EIF4G3: variants seen among roughly 807,000 people sequenced by gnomAD.
The protein encoded by EIF4G3 is eukaryotic translation initiation factor 4 gamma 3.
A neutral mutation model predicts 186.4 loss-of-function variants in EIF4G3; 34 were observed. That is an observed-to-expected ratio of 0.18 (90% CI 0.14 to 0.24). EIF4G3 has a LOEUF of 0.24. Ranked by LOEUF, EIF4G3 falls within the 10% of genes least tolerant of loss-of-function variation. EIF4G3 has a pLI of 1.00. For synonymous variants in EIF4G3, 673 were observed against 679.5 expected (o/e 0.99, Z 0.15); for missense variants, 1,536 against 1,948.5 (o/e 0.79, Z 3.99).
intron 25 of EIF4G3, among the ~76,000 whole-genome samples, chr1:20,857,174 A>AAAAAAAAAAAAG: frequency 6.6e-6 from 1 of 150,464 alleles, no homozygotes; most frequent in Non-Finnish European, 1.5e-5. Context: ...AAAAAAAAAA[A>AAAAAAAAAAAAG]AAAAAGAAAA....
intron 20 of EIF4G3, 21 bp from the exon 21 acceptor site, chr1:20,865,283 A>T (rs2077308998): frequency 2.5e-6 from 4 of 1,601,902 alleles, no homozygotes; most frequent in Non-Finnish European, 3.4e-6. Flanking sequence ...ACAGGAAAAT[A>T]AAAAAAATCA....
chr1:21,101,283 T>C (rs577423117), intron 2 of EIF4G3, among the ~76,000 whole-genome samples: 93 of 151,914 alleles, frequency 6.1e-4, no homozygotes, highest in Middle Eastern at 3.4e-3. Context: ...AAATATGCAA[T>C]AGGGCCGAGC....
chr1:20,943,092 G>GT (rs1236379641), intron 13 of EIF4G3, among the ~76,000 whole-genome samples: 1 of 152,150 alleles, frequency 6.6e-6, no homozygotes, highest in African/African-American at 2.4e-5. Flanking sequence ...GAGCCCAGGA[G>GT]TTTGAGGTTG....
At chr1:20,838,149 T>C (rs2067312182) in intron 30 of EIF4G3, among the ~76,000 whole-genome samples, 1 of 152,188 alleles carries the variant, frequency 6.6e-6, no homozygotes, top group Non-Finnish European at 1.5e-5. Context: ...GTTATGATAT[T>C]TTTTCTTCAG....
intron 2 of EIF4G3, among the ~76,000 whole-genome samples, chr1:21,146,026 T>TC (rs1391046349): frequency 6.6e-6 from 1 of 152,044 alleles, no homozygotes; most frequent in East Asian, 1.9e-4. Context: ...GCCCAGGAGT[T>TC]CGAGGCTGTA....
chr1:21,068,388 A>AAAAAAAAAAAAC (rs2095332448), intron 3 of EIF4G3, among the ~76,000 whole-genome samples: 2 of 141,208 alleles, frequency 1.4e-5, no homozygotes, highest in Non-Finnish European at 3.0e-5. Flanking sequence ...AAAAAAAAAA[A>AAAAAAAAAAAAC]AAAAAAAAAA....
intron 20 of EIF4G3, among the ~76,000 whole-genome samples, chr1:20,870,503 T>C (rs2078900620): frequency 6.6e-6 from 1 of 152,136 alleles, no homozygotes; most frequent in South Asian, 2.1e-4. Context: ...AACTATTACC[T>C]GCCAAGAATC....
intron 2 of EIF4G3, among the ~76,000 whole-genome samples, chr1:21,113,050 T>A (rs562085688): frequency 2.7e-5 from 4 of 150,100 alleles, no homozygotes; most frequent in East Asian, 2.0e-4. Flanking sequence ...TCCCAGCACT[T>A]TGGGAGGCTG....
chr1:21,085,518 G>C (rs147192907), intron 3 of EIF4G3, among the ~76,000 whole-genome samples: 1 of 151,510 alleles, frequency 6.6e-6, no homozygotes, highest in East Asian at 1.9e-4. Flanking sequence ...CTCCTGCCTC[G>C]GTCTCCCAAC....
At chr1:20,899,114 T>C (rs1197616897) in intron 16 of EIF4G3, among the ~76,000 whole-genome samples, 4 of 152,220 alleles carry the variant, frequency 2.6e-5, no homozygotes, top group Non-Finnish European at 5.9e-5. Flanking sequence ...ACAGTTTATA[T>C]AGCATTATGA....
intron 29 of EIF4G3, among the ~76,000 whole-genome samples, chr1:20,843,579 T>C (rs2069526347): frequency 6.6e-6 from 1 of 152,186 alleles, no homozygotes; most frequent in Non-Finnish European, 1.5e-5. Flanking sequence ...AGTGATTAAA[T>C]GTCTTCTAAT....
At chr1:20,926,500 G>A (rs1158636143) in intron 14 of EIF4G3, among the ~76,000 whole-genome samples, 3 of 152,126 alleles carry the variant, frequency 2.0e-5, no homozygotes, top group African/African-American at 4.8e-5. Context: ...GCAATATGGC[G>A]AGACTCTATC....
At chr1:20,901,513 T>C (rs1186661354) in intron 15 of EIF4G3, among the ~76,000 whole-genome samples, 1 of 152,182 alleles carries the variant, frequency 6.6e-6, no homozygotes, top group Non-Finnish European at 1.5e-5. Context: ...TTTTAGAGAA[T>C]ACAGTGCATC....
chr1:21,066,600 A>C (rs549573370), intron 3 of EIF4G3, among the ~76,000 whole-genome samples: 1 of 152,320 alleles, frequency 6.6e-6, no homozygotes, highest in South Asian at 2.1e-4. Flanking sequence ...TCTTGCCTAC[A>C]GAATTCCCGA....
chr1:21,096,963 G>A (rs1247024839), intron 2 of EIF4G3, among the ~76,000 whole-genome samples: 1 of 152,142 alleles, frequency 6.6e-6, no homozygotes, highest in Non-Finnish European at 1.5e-5. Flanking sequence ...TCTTGAACAT[G>A]AATGGTGGTT....
chr1:20,955,394 G>T (rs941318875), intron 12 of EIF4G3, among the ~76,000 whole-genome samples: 1 of 152,038 alleles, frequency 6.6e-6, no homozygotes, highest in Admixed American at 6.6e-5. Context: ...AACATGCCCA[G>T]CTATTTTTTC....
At chr1:21,027,870 A>ATTAC (rs1303495718) in intron 4 of EIF4G3, among the ~76,000 whole-genome samples, 1 of 152,226 alleles carries the variant, frequency 6.6e-6, no homozygotes, top group Non-Finnish European at 1.5e-5. Flanking sequence ...ATAACTGGTA[A>ATTAC]AACATGAAAG....
chr1:20,922,731 A>G (rs1467708593), intron 14 of EIF4G3, among the ~76,000 whole-genome samples: 1 of 152,284 alleles, frequency 6.6e-6, no homozygotes, highest in African/African-American at 2.4e-5. Flanking sequence ...TTACCAACCC[A>G]CTTAGTGTGC....
intron 4 of EIF4G3, among the ~76,000 whole-genome samples, chr1:21,046,128 C>G (rs1305114983): frequency 2.0e-5 from 3 of 152,164 alleles, no homozygotes; most frequent in Admixed American, 6.5e-5. Context: ...TTTTAAATTC[C>G]AAACTATTTA....
Sources: gnomAD v4.1 joint callset for allele counts (sites outside exome capture counted in the v4.1 genomes callset) on GRCh38, gnomAD v4.1.1 for gene constraint, MANE v1.5 for transcripts, NCBI Gene and HGNC (gene_info 2026-07-23, HGNC 2026-07-21) for gene names.